CRTC1: variants seen among roughly 807,000 people sequenced by gnomAD.
CRTC1 encodes CREB-regulated transcription coactivator 1.
A neutral mutation model predicts 66.1 loss-of-function variants in CRTC1; 18 were observed. The ratio of observed to expected loss-of-function variants is 0.27; its 90% confidence interval spans 0.19 to 0.40. CRTC1 has a LOEUF of 0.40. Among genes scored for constraint, CRTC1 ranks in the 10% least tolerant of loss-of-function variants. The pLI, the probability that CRTC1 is intolerant of heterozygous loss-of-function variation, is 1.00. For missense variants in CRTC1, 669 were observed against 887.9 expected (o/e 0.75, Z 3.13); for synonymous variants, 416 against 398.8 (o/e 1.04, Z -0.51).
chr19:18,771,556 G>T lies in CRTC1; in HGVS notation c.1425+10G>T. ...AGGGAGCTCCCCGCAAGTAAGGGGC[G>T]CCGCCTCCCCCTTGGCCTGTGGGCT... On this transcript the variant is annotated intron_variant, in intron 11 of 13. Coordinates refer to ENST00000321949, the MANE Select transcript of CRTC1 (RefSeq NM_015321.3). The surrounding 1 kb of genome is among the most constrained non-coding windows in gnomAD (Gnocchi z 4.6). 6.2e-7 allele frequency: 1 copy of T among 1,602,514 alleles called. No individual in the cohort carries two copies. The highest frequency in any genetic ancestry group is 8.5e-7 in the Non-Finnish European group (1 of 1,172,128).
At chr19:18,727,595 A>AAAAAAAG (rs1427991486) in intron 1 of CRTC1, among the ~76,000 whole-genome samples, 1,840 of 149,878 alleles carry the variant, frequency 0.012, 84 homozygotes, top group African/African-American at 0.044. Flanking sequence ...AAAAAAAAAA[A>AAAAAAAG]AAGAAGAAGA....
intron 13 of CRTC1, among the ~76,000 whole-genome samples, chr19:18,776,902 C>T (rs1277571720): frequency 6.6e-6 from 1 of 152,170 alleles, no homozygotes; most frequent in Non-Finnish European, 1.5e-5. Context: ...AGTGACACAG[C>T]CCTTGGCCCG....
intron 2 of CRTC1, among the ~76,000 whole-genome samples, chr19:18,744,489 C>T (rs1023071300): frequency 1.4e-5 from 2 of 140,138 alleles, no homozygotes; most frequent in Admixed American, 1.4e-4. Context: ...CACACACACA[C>T]AAACACACAC....
intron 1 of CRTC1, among the ~76,000 whole-genome samples, chr19:18,738,709 A>G (rs1430712768): frequency 6.6e-6 from 1 of 152,208 alleles, no homozygotes; most frequent in East Asian, 1.9e-4. Flanking sequence ...CTGAGGCAGG[A>G]GAATCGCTTG....
At chr19:18,692,174 T>C (rs2052858404) in intron 1 of CRTC1, among the ~76,000 whole-genome samples, 1 of 151,140 alleles carries the variant, frequency 6.6e-6, no homozygotes, top group African/African-American at 2.4e-5. Context: ...TAAAAAGGGC[T>C]GAATGAAGGG....
At chr19:18,710,984 C>CA (rs1249570877) in intron 1 of CRTC1, among the ~76,000 whole-genome samples, 1 of 152,202 alleles carries the variant, frequency 6.6e-6, no homozygotes, top group Non-Finnish European at 1.5e-5. Context: ...CACCCTGTCC[C>CA]ACCCCACAGT....
At chr19:18,729,028 G>T (rs2053825961) in intron 1 of CRTC1, among the ~76,000 whole-genome samples, 1 of 149,388 alleles carries the variant, frequency 6.7e-6, no homozygotes, top group Non-Finnish European at 1.5e-5. Context: ...GGCCAGGCTG[G>T]TCTCGAACTC....
At chr19:18,747,544 G>A (rs10401995) in intron 4 of CRTC1, among the ~76,000 whole-genome samples, 5,009 of 152,254 alleles carry the variant, frequency 0.033, 292 homozygotes, top group African/African-American at 0.11. Context: ...GGCTGAGGCG[G>A]GATAATTGAA....
At chr19:18,772,239 G>A (rs902729509) in intron 11 of CRTC1, among the ~76,000 whole-genome samples, 4 of 152,164 alleles carry the variant, frequency 2.6e-5, no homozygotes, top group Admixed American at 6.5e-5. Flanking sequence ...CAGTGGAAGC[G>A]GCCAGCCTGG....
Position 18,761,944 on chromosome 19 carries a change from G to A in CRTC1, c.886+1716G>A, listed in dbSNP as rs186509698. 2.7e-3 allele frequency among the ~76,000 whole-genome samples: 414 copies of A among 152,298 alleles called. 2 individuals are homozygous for A. The highest frequency in any genetic ancestry group is 4.3e-3 in the Admixed American group (66 of 15,304). The stretch of plus-strand genomic sequence containing the variant: ...CTGGGCCCGCGGGGCTCTGCCACTG[G>A]ACAGAGGGCACCAGAGAAGGCCCAG... On this transcript the variant is annotated intron_variant, in intron 8 of 13. Transcript: ENST00000321949.
At chr19:18,746,241 A>G (rs1234577021) in intron 3 of CRTC1, among the ~76,000 whole-genome samples, 1 of 152,124 alleles carries the variant, frequency 6.6e-6, no homozygotes, top group Non-Finnish European at 1.5e-5. Flanking sequence ...CTGACCACAG[A>G]GGGCTTAGAC....
At chr19:18,689,583 A>ATATATATATATATATATAATG (rs60084986) in intron 1 of CRTC1, among the ~76,000 whole-genome samples, 1 of 65,736 alleles carries the variant, frequency 1.5e-5, no homozygotes, top group Admixed American at 1.9e-4. Flanking sequence ...ATATATATAT[A>ATATATATATATATATATAATG]TATGTAATAT....
At chr19:18,773,258 A>G (rs941042276) in intron 11 of CRTC1, among the ~76,000 whole-genome samples, 12 of 152,158 alleles carry the variant, frequency 7.9e-5, no homozygotes, top group African/African-American at 2.6e-4. Context: ...GGACTCACCC[A>G]TCGGTCCCAC....
chr19:18,730,144 G>A (rs1440374344), intron 1 of CRTC1, among the ~76,000 whole-genome samples: 2 of 152,144 alleles, frequency 1.3e-5, no homozygotes, highest in African/African-American at 4.8e-5. Flanking sequence ...AAGGTGGCCT[G>A]CACCTTCAGC....
rs1459955237 is a variant in CRTC1 at position 18,774,970 on chromosome 19, A to G, written c.1496A>G (p.Asn499Ser). 2.6e-5 allele frequency: 42 copies of G among 1,606,586 alleles called. No individual in the cohort carries two copies. Among genetic ancestry groups the G allele is most frequent in the Non-Finnish European group, 3.6e-5 (42 of 1,179,938 alleles). Residue 499 changes from asparagine to serine, a missense_variant, in exon 12 of 14, where the codon AAT (asparagine) becomes AGT (serine). Physicochemically the swap from Asn to Ser is conservative, Grantham distance 46. Around this residue, in one of 8 missense-constraint regions of CRTC1, gnomAD observed 79 missense variants for 100.1 expected, o/e 0.79. Coordinates refer to ENST00000321949, the MANE Select transcript of CRTC1 (RefSeq NM_015321.3). The part of the protein sequence containing the change: ...YEQQMAARQA[N>S]ALSHQLEQFN... ...CAGCAGATGGCGGCCAGGCAGGCCA[A>G]TGCTCTGTCCCACCAGGTGAGCGGG...
intron 1 of CRTC1, among the ~76,000 whole-genome samples, chr19:18,719,622 G>C (rs1278668084): frequency 1.3e-5 from 2 of 152,236 alleles, no homozygotes; most frequent in Non-Finnish European, 2.9e-5. Context: ...GAGCTGCTCA[G>C]AGAGGCGGGT....
At chr19:18,694,339 A>C (rs2052933075) in intron 1 of CRTC1, among the ~76,000 whole-genome samples, 1 of 152,006 alleles carries the variant, frequency 6.6e-6, no homozygotes, top group Non-Finnish European at 1.5e-5. Flanking sequence ...GAAGAAAAAA[A>C]TAAAAAGTAC....
intron 1 of CRTC1, among the ~76,000 whole-genome samples, chr19:18,687,273 C>G (rs1447853192): frequency 1.3e-5 from 2 of 152,146 alleles, no homozygotes; most frequent in African/African-American, 4.8e-5. Context: ...ATCCGGCCAC[C>G]TCGGCCTCCC....
At position 18,782,330 on chromosome 19, in the gene CRTC1, G is replaced by A. The variant is rs1030329046; in HGVS notation, c.*4948G>A. The A allele has an allele frequency of 4.4e-5, 9 of 204,038 alleles. No individual in the cohort carries two copies. Among genetic ancestry groups the A allele is most frequent in the Middle Eastern group, 1.6e-3 (1 of 620 alleles). 12.6% of individuals were successfully genotyped at this position (204,038 alleles called of 1,614,324 possible). A position where few individuals can be genotyped will look rare whatever the true frequency, so the allele number is the denominator to read the frequency against. On this transcript the variant is annotated 3_prime_UTR_variant, in exon 14 of 14. Transcript: ENST00000321949. Reference sequence around the variant, plus strand: ...AACGTAATAAAAATCCAACGTTTTCGTCACTGGCTCTTCCTCTTTTTTCTG... The same window carrying A: ...AACGTAATAAAAATCCAACGTTTTCATCACTGGCTCTTCCTCTTTTTTCTG...
Sources: allele counts gnomAD v4.1 joint callset (sites outside exome capture counted in the v4.1 genomes callset), GRCh38; gene constraint gnomAD v4.1.1; regional missense constraint gnomAD v4.1.1; non-coding constraint Gnocchi (gnomAD v3.1); transcripts MANE v1.5; gene names NCBI Gene and HGNC (gene_info 2026-07-23, HGNC 2026-07-21).